Variants in PTPRJ observed in about 807,000 individuals in gnomAD.
PTPRJ encodes the protein receptor-type tyrosine-protein phosphatase eta.
PTPRJ carries 129 observed loss-of-function variants against 141.3 expected under a neutral mutation model. The ratio of observed to expected loss-of-function variants is 0.91; its 90% CI spans 0.79 to 1.06. The LOEUF (loss-of-function observed/expected upper bound fraction) is 1.06, where lower values mean the gene tolerates loss of function less well. PTPRJ is among the 50% of genes least tolerant of loss of function. The pLI is 0.00. For synonymous variants in PTPRJ, 610 were observed against 640.5 expected, an observed-to-expected ratio of 0.95 and a Z score of 0.72; for missense variants, 1,601 against 1,679.7, an observed-to-expected ratio of 0.95 and a Z score of 0.82.
chr11:48,157,340 C>T (rs1857638301), intron 21 of PTPRJ, among the ~76,000 whole-genome samples: 1 of 152,102 alleles, frequency 6.6e-6, no homozygotes, highest in African/African-American at 2.4e-5. Flanking sequence ...GTGAAGAGAA[C>T]TGAAAAACAC....
intron 1 of PTPRJ, 148 bp downstream of exon 1, chr11:47,981,156 A>T: frequency 1.2e-6 from 1 of 853,916 alleles, no homozygotes; most frequent in African/African-American, 1.8e-5. Flanking sequence ...ACTTGCGGGG[A>T]CCCCGGCCGG....
chr11:48,004,080 A>G (rs967266619), intron 1 of PTPRJ, among the ~76,000 whole-genome samples: 5 of 152,202 alleles, frequency 3.3e-5, no homozygotes, highest in Admixed American at 1.3e-4. Context: ...AAAGGTCATC[A>G]GGTGCTCTCA....
chr11:48,083,427 C>G (rs1855619581), intron 1 of PTPRJ, among the ~76,000 whole-genome samples: 1 of 152,288 alleles, frequency 6.6e-6, no homozygotes, highest in Middle Eastern at 3.4e-3. Flanking sequence ...GAAACTCTGT[C>G]TCAAATAAAA....
chr11:47,989,509 C>A (rs1854136176), intron 1 of PTPRJ, among the ~76,000 whole-genome samples: 1 of 150,360 alleles, frequency 6.7e-6, no homozygotes, highest in Admixed American at 6.6e-5. Context: ...AACTCCTGAT[C>A]TCAGGTGACC....
chr11:47,980,755 CG>C lies in PTPRJ; in HGVS notation c.-154del. 5.9e-6 allele frequency: 6 copies of C among 1,017,892 alleles called. No individual in the cohort carries two copies. The highest frequency in any genetic ancestry group is 7.0e-6 in the Non-Finnish European group (6 of 853,696). 63.1% of individuals were successfully genotyped at this position (1,017,892 alleles called of 1,614,324 possible). On this transcript the variant is annotated 5_prime_UTR_variant, in exon 1 of 25. Coordinates refer to ENST00000418331, the MANE Select transcript of PTPRJ (RefSeq NM_002843.4). ...GCCGCCGCCGCCGCTGCCATGTCTCCGGGGAAGCCCGGGGCGGGCGGAGCGG... is the reference window on the plus strand; with the variant it reads ...GCCGCCGCCGCCGCTGCCATGTCTCCGGGAAGCCCGGGGCGGGCGGAGCGG...
rs2174127 is a variant in PTPRJ, at chr11:48,168,975, T to C, written c.*1613T>C. The C allele has an allele frequency of 0.98, 149,457 of 152,164 alleles. 73,461 individuals carry two copies. Among genetic ancestry groups the C allele is most frequent in the Middle Eastern group, 1 (294 of 294 alleles). 9.4% of individuals were successfully genotyped at this position (152,164 alleles called of 1,614,324 possible). ...TCCTGTGGCTGTTGCCACAGTAATG[T>C]GTCCTGCTGTAAACAGGACAGGTGT... On this transcript the variant is annotated 3_prime_UTR_variant, in exon 25 of 25. Coordinates refer to ENST00000418331, the MANE Select transcript of PTPRJ (RefSeq NM_002843.4).
At chr11:48,006,715 T>C (rs1315716484) in intron 1 of PTPRJ, among the ~76,000 whole-genome samples, 2 of 152,192 alleles carry the variant, frequency 1.3e-5, no homozygotes, top group African/African-American at 2.4e-5. Flanking sequence ...TGTCCTTGCC[T>C]ATCTGGGCCT....
intron 10 of PTPRJ, among the ~76,000 whole-genome samples, 187 bp downstream of exon 10, chr11:48,137,468 ATATT>A (rs1365391999): frequency 6.6e-6 from 1 of 152,152 alleles, no homozygotes; most frequent in Non-Finnish European, 1.5e-5. Flanking sequence ...CATTCAATAA[ATATT>A]TATTGAGCAT....
intron 1 of PTPRJ, among the ~76,000 whole-genome samples, chr11:48,064,970 A>T (rs1006398179): frequency 7.1e-6 from 1 of 139,912 alleles, no homozygotes; most frequent in Admixed American, 7.2e-5. Context: ...TCTCCACAGC[A>T]CCAGTGGGGC....
intron 3 of PTPRJ, among the ~76,000 whole-genome samples, chr11:48,120,664 C>G (rs1207287538): frequency 6.6e-6 from 1 of 151,884 alleles, no homozygotes; most frequent in Non-Finnish European, 1.5e-5. Context: ...GTCTTGAACT[C>G]CTGACCTCAG....
In PTPRJ at chr11:48,142,953, A is replaced by G; in HGVS notation, c.2478A>G (p.Thr826=). 1.9e-6 allele frequency: 3 copies of G among 1,614,100 alleles called. No homozygotes were observed. The highest frequency in any genetic ancestry group is 3.3e-5 in the Admixed American group (2 of 60,020). The part of the protein sequence containing the change: ...PPPPDGSPNI[T]SVSHNSVKVK... ...CTCCAGATGGATCCCCTAATATTAC[A>G]TCTGTCAGTCACAATTCAGTAAAGG... The change falls in exon 12 of 25, where the codon ACA becomes ACG. Residue 826 remains threonine, a synonymous_variant. Transcript: ENST00000418331.
At chr11:48,040,268 C>T (rs1334657217) in intron 1 of PTPRJ, among the ~76,000 whole-genome samples, 2 of 152,232 alleles carry the variant, frequency 1.3e-5, no homozygotes, top group Non-Finnish European at 2.9e-5. Context: ...ATAGAGACCG[C>T]AGGATGCTGT....
chr11:48,142,717 G>C (rs1857262358), intron 11 of PTPRJ, among the ~76,000 whole-genome samples: 1 of 152,182 alleles, frequency 6.6e-6, no homozygotes, highest in African/African-American at 2.4e-5. Context: ...TGTGAGCTAG[G>C]TGGGTTTCCC....
In PTPRJ at chr11:48,159,123, GT is replaced by G. The variant is rs1158590281; in HGVS notation, c.3439-806del. 2.9e-4 allele frequency among the ~76,000 whole-genome samples: 40 copies of G among 139,550 alleles called. 1 individual carries two copies. Among genetic ancestry groups the G allele is most frequent in the South Asian group, 1.4e-3 (6 of 4,302 alleles). The allele number at this position is 139,550 out of a possible 152,430, so 91.6% of individuals were successfully genotyped here. A position where few individuals can be genotyped will look rare whatever the true frequency, so the allele number is the denominator to read the frequency against. ...GTGTGTGTGTGTGTGTGTATGTGGG[GT>G]GTGTGTGTGTGTGTGTGTGTGTGTG... is the stretch of plus-strand genomic sequence containing the variant. On this transcript the variant is annotated intron_variant, in intron 21 of 24. Transcript: ENST00000418331.
In PTPRJ at chr11:48,078,453, A is replaced by G. The variant is rs191894085; in HGVS notation, c.97-31605A>G. ...GTGGAAAGGTGTCCTGGAGCCCTAC[A>G]GAGATGGGCTTCAAGTGCCAGCCAA... On this transcript the variant is annotated intron_variant, in intron 1 of 24. Coordinates refer to ENST00000418331, the MANE Select transcript of PTPRJ (RefSeq NM_002843.4). 1.2e-3 allele frequency among the ~76,000 whole-genome samples: 184 copies of G among 152,322 alleles called. 1 individual carries two copies. Among genetic ancestry groups the G allele is most frequent in the African/African-American group, 4.2e-3 (174 of 41,570 alleles).
At chr11:48,048,774 A>C (rs1344364333) in intron 1 of PTPRJ, among the ~76,000 whole-genome samples, 4 of 152,240 alleles carry the variant, frequency 2.6e-5, no homozygotes, top group African/African-American at 9.6e-5. Flanking sequence ...AGCCTGGGTG[A>C]CAGAGCGAGA....
chr11:48,025,044 A>G (rs550896938), intron 1 of PTPRJ, among the ~76,000 whole-genome samples: 2 of 152,308 alleles, frequency 1.3e-5, no homozygotes, highest in South Asian at 4.1e-4. Context: ...CTGAGAGTAT[A>G]TGGGAATAAG....
chr11:48,010,458 G>A (rs1385762545), intron 1 of PTPRJ, among the ~76,000 whole-genome samples: 1 of 151,488 alleles, frequency 6.6e-6, no homozygotes, highest in Non-Finnish European at 1.5e-5. Context: ...GGATTACAGG[G>A]TGAACCACTG....
At chr11:48,144,945 T>C (rs1189069491) in intron 13 of PTPRJ, 55 bp from the exon 14 acceptor site, 2 of 1,614,002 alleles carry the variant, frequency 1.2e-6, no homozygotes, top group Non-Finnish European at 1.7e-6. Context: ...AAGCTCTACA[T>C]GCCTGCGGTC....
Sources: allele counts gnomAD v4.1 joint callset (sites outside exome capture counted in the v4.1 genomes callset), GRCh38; gene constraint gnomAD v4.1.1; transcripts MANE v1.5; gene names NCBI Gene and HGNC (gene_info 2026-07-23, HGNC 2026-07-21).